TCEANC2: variants seen among roughly 807,000 people sequenced by gnomAD.
The protein encoded by TCEANC2 is transcription elongation factor A N-terminal and central domain containing 2.
Under a neutral mutation model 22.8 loss-of-function variants are expected in TCEANC2, and 20 were observed. The ratio of observed to expected loss-of-function variants is 0.88; its 90% CI spans 0.62 to 1.28. The LOEUF (loss-of-function observed/expected upper bound fraction) is 1.28. Among genes scored for constraint, TCEANC2 ranks in the 50% most tolerant of loss-of-function variants. The pLI, the probability that TCEANC2 is intolerant of heterozygous loss-of-function variation, is 0.00. For missense variants in TCEANC2, 251 were observed against 249.7 expected, an observed-to-expected ratio of 1.01 and a Z score of -0.03; for synonymous variants, 84 against 95.5, an observed-to-expected ratio of 0.88 and a Z score of 0.70.
intron 2 of TCEANC2, among the ~76,000 whole-genome samples, chr1:54,055,648 G>C (rs560480296): frequency 1.6e-4 from 25 of 152,320 alleles, no homozygotes. Flanking sequence ...AGGAGGATCT[G>C]GGGCTAGAGA....
downstream of TCEANC2, among the ~76,000 whole-genome samples, chr1:54,109,057 C>CG (rs1658802567): frequency 6.6e-6 from 1 of 152,098 alleles, no homozygotes; most frequent in African/African-American, 2.4e-5. Context: ...ATGAACCAGA[C>CG]GGGGGCTCAC....
chr1:54,094,135 A>G (rs982846159), intron 4 of TCEANC2, among the ~76,000 whole-genome samples: 1 of 152,164 alleles, frequency 6.6e-6, no homozygotes, highest in East Asian at 1.9e-4. Flanking sequence ...TAGGACCACA[A>G]ACTTTTGTGA....
At chr1:54,065,185 A>G (rs1190103936) in intron 2 of TCEANC2, among the ~76,000 whole-genome samples, 2 of 152,240 alleles carry the variant, frequency 1.3e-5, no homozygotes, top group Non-Finnish European at 1.5e-5. Flanking sequence ...AAAAAATATC[A>G]TTATTGAAGC....
intron 4 of TCEANC2, among the ~76,000 whole-genome samples, chr1:54,094,681 T>C (rs1327034731): frequency 6.6e-6 from 1 of 152,222 alleles, no homozygotes; most frequent in Non-Finnish European, 1.5e-5. Context: ...TTAGTCACTG[T>C]TTATTGCTCA....
In TCEANC2 at chr1:54,102,180, C is replaced by G. The variant is rs896565505; in HGVS notation, c.*5707C>G. On this transcript the variant is annotated 3_prime_UTR_variant, in exon 5 of 5. Coordinates refer to ENST00000234827, the MANE Select transcript of TCEANC2 (RefSeq NM_153035.3). Reference sequence around the variant, plus strand: ...AGAAAGTTGTGTTTTGATTGGGGCCCAGAGCAGGAAAGGGCTCAGCAGAAG... The same window carrying G: ...AGAAAGTTGTGTTTTGATTGGGGCCGAGAGCAGGAAAGGGCTCAGCAGAAG... The G allele has an allele frequency of 1.3e-5, 2 of 152,190 alleles. No homozygotes were observed. The highest frequency in any genetic ancestry group is 1.3e-4 in the Admixed American group (2 of 15,282). The allele number at this position is 152,190 out of a possible 1,614,324, so 9.4% of individuals were successfully genotyped here. A position where few individuals can be genotyped will look rare whatever the true frequency, so the allele number is the denominator to read the frequency against.
chr1:54,054,350 G>A, intron 1 of TCEANC2, 31 bp from the exon 2 acceptor site: 2 of 1,588,792 alleles, frequency 1.3e-6, no homozygotes, highest in Non-Finnish European at 1.7e-6. Context: ...TCTTTAGTGG[G>A]GTTTTAGAAT....
At chr1:54,058,603 C>G (rs375514709) in intron 2 of TCEANC2, among the ~76,000 whole-genome samples, 6 of 152,130 alleles carry the variant, frequency 3.9e-5, no homozygotes, top group East Asian at 3.8e-4. Context: ...ACCTTGTAGC[C>G]CCTGCTTTAT....
Position 54,096,632 on chromosome 1 carries a change from G to C in TCEANC2, c.*159G>C. ...AGACAGAGGATTCGGAGAGCCCTAGGAGACAGGCCTGCAGGAATGTGCTTC... is the reference window on the plus strand; with the variant it reads ...AGACAGAGGATTCGGAGAGCCCTAGCAGACAGGCCTGCAGGAATGTGCTTC... On this transcript the variant is annotated 3_prime_UTR_variant, in exon 5 of 5. Coordinates refer to ENST00000234827, the MANE Select transcript of TCEANC2 (RefSeq NM_153035.3). The surrounding 1 kb of genome is among the most constrained non-coding windows in gnomAD (Gnocchi z 4.9). 1 of 1,366,792 alleles carries C rather than the reference G, an allele frequency of 7.3e-7. No individual in the cohort carries two copies. Among genetic ancestry groups the C allele is most frequent in the Non-Finnish European group, 9.5e-7 (1 of 1,049,472 alleles). 84.7% of individuals were successfully genotyped at this position (1,366,792 alleles called of 1,614,324 possible).
At chr1:54,074,411 C>T (rs111870946) in intron 3 of TCEANC2, among the ~76,000 whole-genome samples, 3,899 of 151,844 alleles carry the variant, frequency 0.026, 112 homozygotes, top group Middle Eastern at 0.079. Flanking sequence ...TGCAGTGAGC[C>T]GAGATCATGC....
Position 54,104,510 on chromosome 1 carries a change from C to T in TCEANC2, c.*8037C>T, listed in dbSNP as rs188322862. 78 of 436,050 alleles carry T rather than the reference C, an allele frequency of 1.8e-4. No individual in the cohort carries two copies. The highest frequency in any genetic ancestry group is 1.7e-3 in the Admixed American group (70 of 40,130). The allele number at this position is 436,050 out of a possible 1,614,324, so 27.0% of individuals were successfully genotyped here. On this transcript the variant is annotated 3_prime_UTR_variant, in exon 5 of 5. Coordinates refer to ENST00000234827, the MANE Select transcript of TCEANC2 (RefSeq NM_153035.3). ...ATATCTTTGGTACTCAGTTGATTCACGTGGAGACTTCTTGGTATTCCTTTG... is the reference window on the plus strand; with the variant it reads ...ATATCTTTGGTACTCAGTTGATTCATGTGGAGACTTCTTGGTATTCCTTTG...
intron 2 of TCEANC2, among the ~76,000 whole-genome samples, chr1:54,055,699 T>A (rs532552087): frequency 6.6e-6 from 1 of 152,314 alleles, no homozygotes; most frequent in Non-Finnish European, 1.5e-5. Flanking sequence ...GCATTCTGAG[T>A]ACTTGACATA....
intron 3 of TCEANC2, among the ~76,000 whole-genome samples, chr1:54,072,757 AT>A (rs951037977): frequency 4.6e-5 from 7 of 151,274 alleles, no homozygotes; most frequent in African/African-American, 9.7e-5. Flanking sequence ...TTTTTTATAA[AT>A]TTTTTTTTGG....
At chr1:54,071,279 A>C (rs1346411095) in intron 3 of TCEANC2, among the ~76,000 whole-genome samples, 1 of 152,142 alleles carries the variant, frequency 6.6e-6, no homozygotes, top group Non-Finnish European at 1.5e-5. Context: ...CAATTTTTTT[A>C]AGTTGAGAAT....
At chr1:54,085,232 A>C (rs184588554) in intron 3 of TCEANC2, among the ~76,000 whole-genome samples, 3 of 152,336 alleles carry the variant, frequency 2.0e-5, no homozygotes, top group Admixed American at 2.0e-4. Context: ...AGCAGGGACA[A>C]TTGCTTGTTT....
intron 3 of TCEANC2, among the ~76,000 whole-genome samples, chr1:54,076,319 A>T (rs1658142907): frequency 6.6e-6 from 1 of 152,154 alleles, no homozygotes; most frequent in South Asian, 2.1e-4. Context: ...ATGAGTTCTC[A>T]TCATTTAGCT....
chr1:54,085,387 A>G (rs1009950334), intron 3 of TCEANC2, among the ~76,000 whole-genome samples: 4 of 152,212 alleles, frequency 2.6e-5, no homozygotes, highest in Non-Finnish European at 4.4e-5. Flanking sequence ...CCATTTTCTC[A>G]AATAAAAATT....
intron 3 of TCEANC2, among the ~76,000 whole-genome samples, chr1:54,076,899 T>C (rs758060809): frequency 6.9e-4 from 105 of 152,170 alleles, no homozygotes; most frequent in Non-Finnish European, 1.2e-3. Flanking sequence ...TGATAACTAC[T>C]GTGCAAGAGA....
At chr1:54,089,586 A>G (rs1377338628) in intron 4 of TCEANC2, among the ~76,000 whole-genome samples, 1 of 152,236 alleles carries the variant, frequency 6.6e-6, no homozygotes, top group African/African-American at 2.4e-5. Context: ...TTTCTTCCTT[A>G]TCCCAGGATA....
chr1:54,054,481 C>G lies in TCEANC2; in HGVS notation c.59C>G (p.Ser20Cys). The G allele has an allele frequency of 6.2e-7, 1 of 1,613,828 alleles. No homozygotes were observed. Among genetic ancestry groups the G allele is most frequent in the East Asian group, 2.2e-5 (1 of 44,862 alleles). The change falls in exon 2 of 5, where the codon TCT (serine) becomes TGT (cysteine). Residue 20 changes from serine (S) to cysteine (C), a missense_variant. Transcript: ENST00000234827. ...RIQNSPQKKDSGGKVYKQATI... is the reference protein window; with the variant it reads ...RIQNSPQKKDCGGKVYKQATI... ...CAGAATAGCCCTCAGAAGAAAGATT[C>G]TGGAGGAAAGGTTTACAAGCAGGCC...
Sources: allele counts gnomAD v4.1 joint callset (sites outside exome capture counted in the v4.1 genomes callset), GRCh38; gene constraint gnomAD v4.1.1; non-coding constraint Gnocchi (gnomAD v3.1); transcripts MANE v1.5; gene names NCBI Gene and HGNC (gene_info 2026-07-23, HGNC 2026-07-21).